Variants in PIK3C2G observed in about 807,000 individuals in gnomAD.
PIK3C2G encodes the protein phosphatidylinositol-4-phosphate 3-kinase catalytic subunit type 2 gamma.
PIK3C2G carries 168 observed loss-of-function variants against 181.1 expected under a neutral mutation model. The observed-to-expected ratio is 0.93, with a 90% confidence interval of 0.82 to 1.05. The LOEUF (loss-of-function observed/expected upper bound fraction) is 1.05, where lower values mean the gene tolerates loss of function less well. PIK3C2G is among the 50% of genes least tolerant of loss of function. The pLI is 0.00. For synonymous variants in PIK3C2G, 573 were observed against 592.2 expected (o/e 0.97, Z 0.47); for missense variants, 1,869 against 1,732.8 (o/e 1.08, Z -1.40).
chr12:18,501,025 G>A (rs1268113484), intron 22 of PIK3C2G, among the ~76,000 whole-genome samples: 2 of 151,938 alleles, frequency 1.3e-5, no homozygotes, highest in African/African-American at 4.8e-5. Flanking sequence ...GCGAGACCAC[G>A]AACCCACCAG....
At chr12:18,455,018 G>T (rs1008700250) in intron 18 of PIK3C2G, among the ~76,000 whole-genome samples, 5 of 152,170 alleles carry the variant, frequency 3.3e-5, no homozygotes, top group Admixed American at 1.3e-4. Context: ...CTCATCTCAA[G>T]ATTCAACTGG....
the PIK3C2G span, chr12:18,701,755 C>T: frequency 6.2e-7 from 1 of 1,606,256 alleles, no homozygotes; most frequent in Middle Eastern, 1.7e-4. Flanking sequence ...TTATTTTTAA[C>T]TAATATTTTG....
At chr12:18,528,370 T>G (rs1943359475) in intron 24 of PIK3C2G, among the ~76,000 whole-genome samples, 1 of 152,182 alleles carries the variant, frequency 6.6e-6, no homozygotes, top group African/African-American at 2.4e-5. Context: ...CTTTAAACAA[T>G]ATACATTAAT....
chr12:18,327,350 C>A (rs1267484642), intron 8 of PIK3C2G, among the ~76,000 whole-genome samples: 2 of 151,868 alleles, frequency 1.3e-5, no homozygotes, highest in East Asian at 3.9e-4. Context: ...AAAACAGTGT[C>A]AATTGGAAAA....
chr12:18,658,550 C>T, the PIK3C2G span, among the ~76,000 whole-genome samples: 1 of 151,900 alleles, frequency 6.6e-6, no homozygotes, highest in African/African-American at 2.4e-5. Flanking sequence ...AAAGAAAAGA[C>T]CATCAACCAA....
chr12:18,255,598 C>T (rs1360289085), intron 1 of PIK3C2G, among the ~76,000 whole-genome samples: 3 of 152,134 alleles, frequency 2.0e-5, no homozygotes, highest in Admixed American at 6.5e-5. Context: ...GACAGGAGAG[C>T]GCACAGATAA....
the PIK3C2G span, among the ~76,000 whole-genome samples, chr12:18,687,002 T>C: frequency 5.9e-5 from 9 of 152,020 alleles, no homozygotes; most frequent in African/African-American, 2.2e-4. Flanking sequence ...AAGTAGAGGA[T>C]GGAGGGAACA....
At chr12:18,254,857 A>G (rs920007150) in intron 1 of PIK3C2G, among the ~76,000 whole-genome samples, 13 of 151,594 alleles carry the variant, frequency 8.6e-5, no homozygotes, top group East Asian at 7.8e-4. Context: ...GTCTCAAAAT[A>G]ATAATAATAA....
chr12:18,353,662 C>A (rs1015919019), intron 11 of PIK3C2G, among the ~76,000 whole-genome samples: 5 of 152,156 alleles, frequency 3.3e-5, no homozygotes, highest in Non-Finnish European at 7.3e-5. Flanking sequence ...TCAGGAGGTC[C>A]TCTAAAGTAG....
At chr12:18,718,782 ATCTG>A in the PIK3C2G span, among the ~76,000 whole-genome samples, 1 of 152,140 alleles carries the variant, frequency 6.6e-6, no homozygotes, top group African/African-American at 2.4e-5. Flanking sequence ...CCTGGTTATT[ATCTG>A]TCTATCTGCT....
Position 18,546,391 on chromosome 12 carries a change from T to C in PIK3C2G, c.3549T>C (p.Arg1183=). The change falls in exon 26 of 33, where the codon CGT becomes CGC. Residue 1183 remains arginine, a synonymous_variant. Transcript: ENST00000538779. ...TGAAATATGTGTATAATAATCTTCGTCCACAAGACACAGACCTGGAAGCAA... is the reference window on the plus strand; with the variant it reads ...TGAAATATGTGTATAATAATCTTCGCCCACAAGACACAGACCTGGAAGCAA... ...QDLKYVYNNL[R]PQDTDLEATS... 6.2e-7 allele frequency: 1 copy of C among 1,601,166 alleles called. No homozygotes were observed. Among genetic ancestry groups the C allele is most frequent in the Non-Finnish European group, 8.5e-7 (1 of 1,172,946 alleles).
In PIK3C2G at chr12:18,505,473, A is replaced by C. The variant is rs1314747631; in HGVS notation, c.3323+12A>C. 6.2e-7 allele frequency: 1 copy of C among 1,602,002 alleles called. No individual in the cohort carries two copies. Among genetic ancestry groups the C allele is most frequent in the African/African-American group, 1.3e-5 (1 of 74,720 alleles). On this transcript the variant is annotated intron_variant, in intron 24 of 32. Coordinates refer to ENST00000538779, the MANE Select transcript of PIK3C2G (RefSeq NM_001288772.2). ...GGAGGGATAAAAAGGTCAGTGCACA[A>C]ATGTTTATTACAGTAATTAAGCAGT...
chr12:18,288,436 A>T (rs1007617477), intron 3 of PIK3C2G, among the ~76,000 whole-genome samples: 19 of 152,324 alleles, frequency 1.2e-4, no homozygotes, highest in Admixed American at 3.3e-4. Flanking sequence ...CATAAAACCT[A>T]TAACCATAAG....
At chr12:18,485,278 C>T (rs1178225363) in intron 18 of PIK3C2G, among the ~76,000 whole-genome samples, 1 of 152,094 alleles carries the variant, frequency 6.6e-6, no homozygotes, top group Non-Finnish European at 1.5e-5. Flanking sequence ...TAGCAAGTCC[C>T]TCATCATGTG....
chr12:18,717,762 A>T, the PIK3C2G span, among the ~76,000 whole-genome samples: 2 of 152,064 alleles, frequency 1.3e-5, no homozygotes, highest in Non-Finnish European at 2.9e-5. Flanking sequence ...TCTTCAAAAC[A>T]CCTGGTAAGT....
At chr12:18,616,657 C>T (rs551744785) in intron 31 of PIK3C2G, among the ~76,000 whole-genome samples, 33 of 152,164 alleles carry the variant, frequency 2.2e-4, no homozygotes, top group African/African-American at 7.0e-4. Context: ...CTGTTCTTTT[C>T]TGACAGTCTT....
Position 18,599,896 on chromosome 12 carries a change from C to T in PIK3C2G, c.4087+5327C>T, listed in dbSNP as rs182942737. On this transcript the variant is annotated intron_variant, in intron 30 of 32. Transcript: ENST00000538779. Reference sequence around the variant, plus strand: ...GAGTACAGTTCTCAATAAAGATAGGCGCAGTTATGACTTCATATCAAATAA... The same window carrying T: ...GAGTACAGTTCTCAATAAAGATAGGTGCAGTTATGACTTCATATCAAATAA... Among the ~76,000 whole-genome samples the T allele has an allele frequency of 4.3e-3, 647 of 151,694 alleles. 4 individuals carry two copies. The highest frequency in any genetic ancestry group is 6.1e-3 in the Non-Finnish European group (417 of 67,874).
chr12:18,319,366 C>T (rs1174908078), intron 6 of PIK3C2G, among the ~76,000 whole-genome samples: 2 of 151,802 alleles, frequency 1.3e-5, no homozygotes, highest in Non-Finnish European at 2.9e-5. Flanking sequence ...TTCCTTAAGG[C>T]CAAGGTATGG....
At position 18,484,206 on chromosome 12, in the gene PIK3C2G, ATCT is replaced by A. The variant is rs145860191; in HGVS notation, c.2505-4239_2505-4237del. On this transcript the variant is annotated intron_variant, in intron 18 of 32. Coordinates refer to ENST00000538779, the MANE Select transcript of PIK3C2G (RefSeq NM_001288772.2). ...ACATGACAAAGAGTCTAGAGGTATA[ATCT>A]TCTACAAAGGAGAAAACATGGAGCT... Among the ~76,000 whole-genome samples the A allele has an allele frequency of 5.0e-3, 758 of 152,296 alleles. 6 individuals are homozygous for A. The highest frequency in any genetic ancestry group is 0.017 in the African/African-American group (726 of 41,550).
Sources: gnomAD v4.1 joint callset for allele counts (sites outside exome capture counted in the v4.1 genomes callset) on GRCh38, gnomAD v4.1.1 for gene constraint, MANE v1.5 for transcripts, NCBI Gene and HGNC (gene_info 2026-07-23, HGNC 2026-07-21) for gene names.